SF3A1: variants seen among roughly 807,000 people sequenced by gnomAD.
The protein encoded by SF3A1 is splicing factor 3a subunit 1, also known as SAP 114.
Under a neutral mutation model 89.9 loss-of-function variants are expected in SF3A1, and 13 were observed. The observed-to-expected ratio is 0.14, with a 90% CI of 0.09 to 0.23. The LOEUF (loss-of-function observed/expected upper bound fraction) is 0.23, where lower values mean the gene tolerates loss of function less well. Among genes scored for constraint, SF3A1 ranks in the 10% least tolerant of loss-of-function variants. SF3A1 has a pLI of 1.00. For missense variants in SF3A1, 604 were observed against 1,022.1 expected (o/e 0.59, Z 5.58); for synonymous variants, 405 against 374.4 (o/e 1.08, Z -0.94).
chr22:30,335,956 TC>T (rs1931053203), intron 13 of SF3A1, among the ~76,000 whole-genome samples: 1 of 152,162 alleles, frequency 6.6e-6, no homozygotes, highest in East Asian at 1.9e-4. Context: ...TTTAAAACAA[TC>T]TCTATCTTGT....
chr22:30,332,647 T>A lies in SF3A1; in HGVS notation c.*1947A>T, dbSNP rs765084985. On this transcript the variant is annotated 3_prime_UTR_variant, in exon 16 of 16. Coordinates refer to ENST00000215793, the MANE Select transcript of SF3A1 (RefSeq NM_005877.6). The stretch of plus-strand genomic sequence containing the variant: ...TGCTGCAGGTCCTAAACTAGTGCAG[T>A]GCCAAGCAGCACACTGGGCCTGTGG... The A allele has an allele frequency of 5.9e-5, 9 of 152,240 alleles. No individual in the cohort carries two copies. The highest frequency in any genetic ancestry group is 1.5e-5 in the Non-Finnish European group (1 of 68,044). 9.4% of individuals were successfully genotyped at this position (152,240 alleles called of 1,614,324 possible).
chr22:30,350,330 A>T (rs1931552714), intron 2 of SF3A1, among the ~76,000 whole-genome samples: 1 of 151,464 alleles, frequency 6.6e-6, no homozygotes, highest in Admixed American at 6.6e-5. Context: ...AATAAAAAAA[A>T]AATTAGCTGG....
At chr22:30,352,670 CA>C (rs1395263973) in intron 2 of SF3A1, 4 of 310,234 alleles carry the variant, frequency 1.3e-5, no homozygotes, top group African/African-American at 8.4e-5. Context: ...AGACACACAC[CA>C]TCTGTGATGA....
intron 1 of SF3A1, among the ~76,000 whole-genome samples, chr22:30,355,237 C>T (rs1301704016): frequency 6.6e-6 from 1 of 152,182 alleles, no homozygotes; most frequent in Non-Finnish European, 1.5e-5. Context: ...TCTCAAACTC[C>T]TGACCTCAAG....
chr22:30,340,536 G>A (rs1931217879), intron 8 of SF3A1, 155 bp from the exon 9 acceptor site: 3 of 886,036 alleles, frequency 3.4e-6, no homozygotes, highest in Middle Eastern at 2.4e-4. Flanking sequence ...AGAGATGACT[G>A]GGCCCTGTTC....
Position 30,333,433 on chromosome 22 carries a change from T to G in SF3A1, c.*1161A>C, listed in dbSNP as rs896204535. 2.6e-5 allele frequency: 4 copies of G among 152,234 alleles called. No homozygotes were observed. Among genetic ancestry groups the G allele is most frequent in the Non-Finnish European group, 5.9e-5 (4 of 68,036 alleles). 9.4% of individuals were successfully genotyped at this position (152,234 alleles called of 1,614,324 possible). ...GAGATCTTCCCAATAAAATCAGCCT[T>G]AGCTTTAAAACCAGGAAATTGTTAG... On this transcript the variant is annotated 3_prime_UTR_variant, in exon 16 of 16. Transcript: ENST00000215793.
In SF3A1 at chr22:30,338,832, G is replaced by T. The variant is rs1171385849; in HGVS notation, c.1700C>A (p.Pro567His). 6.2e-7 allele frequency: 1 copy of T among 1,614,028 alleles called. No homozygotes were observed. The highest frequency in any genetic ancestry group is 1.7e-5 in the Admixed American group (1 of 60,012). ...TGAAGTGATGGGTGGAGCCGAGCTGGGGATGTTGGTGGCTGAAGATGGTGG... is the reference window on the plus strand; with the variant it reads ...TGAAGTGATGGGTGGAGCCGAGCTGTGGATGTTGGTGGCTGAAGATGGTGG... ...PPPPSSATNI[P>H]SSAPPITSVP... Residue 567 changes from proline to histidine, a missense_variant, in exon 11 of 16, where the codon CCC (proline) becomes CAC (histidine). Around this residue, in one of 9 missense-constraint regions of SF3A1, gnomAD observed 85 missense variants for 137.3 expected, o/e 0.62. Coordinates refer to ENST00000215793, the MANE Select transcript of SF3A1 (RefSeq NM_005877.6).
chr22:30,351,425 T>A lies in SF3A1; in HGVS notation c.185+1526A>T, dbSNP rs1931590925. The stretch of plus-strand genomic sequence containing the variant: ...GAGACACTGCCTCAGGGGGGTGACG[T>A]GGTCCCTGGAGAACACATGCTGATT... On this transcript the variant is annotated intron_variant, in intron 2 of 15. Transcript: ENST00000215793. Among the ~76,000 whole-genome samples, 4 of 152,220 alleles carry A rather than the reference T, an allele frequency of 2.6e-5. No individual in the cohort carries two copies. The South Asian group carries it at 8.3e-4, about 32-fold the overall frequency.
intron 8 of SF3A1, 106 bp downstream of exon 8, chr22:30,340,589 A>G: frequency 1.2e-6 from 1 of 855,624 alleles, no homozygotes; most frequent in Admixed American, 2.2e-5. Flanking sequence ...ATGCTTTTAC[A>G]ATAAGCTGCA....
chr22:30,356,505 C>G (rs936665830), intron 1 of SF3A1: 3 of 400,130 alleles, frequency 7.5e-6, no homozygotes, highest in Non-Finnish European at 1.3e-5. Flanking sequence ...TTCTAAGAAG[C>G]TCCCGGCTCG....
chr22:30,338,657 CTCT>C, intron 11 of SF3A1, 129 bp downstream of exon 11: 1 of 1,120,684 alleles, frequency 8.9e-7, no homozygotes, highest in Non-Finnish European at 1.3e-6. Context: ...ATTTAAAGGG[CTCT>C]TTCTCTTTCA....
intron 2 of SF3A1, among the ~76,000 whole-genome samples, chr22:30,350,344 T>G (rs879524054): frequency 6.9e-6 from 1 of 144,270 alleles, no homozygotes; most frequent in Non-Finnish European, 1.5e-5. Context: ...TAGCTGGGTG[T>G]GGTGGCAGGC....
At chr22:30,345,983 A>C (rs1277071567) in intron 3 of SF3A1, among the ~76,000 whole-genome samples, 3 of 152,106 alleles carry the variant, frequency 2.0e-5, no homozygotes, top group Non-Finnish European at 4.4e-5. Context: ...CTGCCCTCAC[A>C]TCACGGCACT....
intron 2 of SF3A1, among the ~76,000 whole-genome samples, chr22:30,349,717 A>G (rs1601699478): frequency 7.0e-6 from 1 of 143,186 alleles, no homozygotes; most frequent in Non-Finnish European, 1.5e-5. Flanking sequence ...CCCAGGCTGG[A>G]GTACGCTGGC....
chr22:30,355,507 G>A (rs764758237), intron 1 of SF3A1, among the ~76,000 whole-genome samples: 6 of 152,130 alleles, frequency 3.9e-5, no homozygotes, highest in Admixed American at 1.3e-4. Flanking sequence ...TTCTCCACAC[G>A]TCTGCCTACC....
chr22:30,353,936 C>G (rs1241185799), intron 1 of SF3A1, among the ~76,000 whole-genome samples: 1 of 152,286 alleles, frequency 6.6e-6, no homozygotes, highest in South Asian at 2.1e-4. Context: ...CAGCGATGGG[C>G]TTGGCATGGA....
intron 11 of SF3A1, 148 bp from the exon 12 acceptor site, chr22:30,338,045 A>G: frequency 1.4e-6 from 1 of 701,622 alleles, no homozygotes; most frequent in Non-Finnish European, 2.6e-6. Context: ...TGTGGCCTAC[A>G]CTGGGCGTCC....
intron 1 of SF3A1, among the ~76,000 whole-genome samples, chr22:30,356,095 A>T (rs1931816910): frequency 6.6e-6 from 1 of 152,096 alleles, no homozygotes; most frequent in South Asian, 2.1e-4. Context: ...CACATTCGAG[A>T]TTGGAGAGCT....
rs1317078219 is a variant in SF3A1, at chr22:30,353,058, T to C, written c.78A>G (p.Glu26=). The change falls in exon 2 of 16, where the codon GAA becomes GAG. Residue 26 remains glutamate (E), a synonymous_variant. Coordinates refer to ENST00000215793, the MANE Select transcript of SF3A1 (RefSeq NM_005877.6). ...PTEPKQPTEE[E]ASSKEDSAPS... The stretch of plus-strand genomic sequence containing the variant: ...GTGCAGAATCCTCCTTTGAAGATGC[T>C]TCTTCTTCTGTGGGCTGTGCAAACA... The C allele has an allele frequency of 6.2e-7, 1 of 1,614,066 alleles. No homozygotes were observed. Among genetic ancestry groups the C allele is most frequent in the Admixed American group, 1.7e-5 (1 of 60,026 alleles).
Sources: allele counts gnomAD v4.1 joint callset (sites outside exome capture counted in the v4.1 genomes callset), GRCh38; gene constraint gnomAD v4.1.1; regional missense constraint gnomAD v4.1.1; transcripts MANE v1.5; gene names NCBI Gene and HGNC (gene_info 2026-07-23, HGNC 2026-07-21).